Variants in ADAM22 observed in about 807,000 individuals in gnomAD.
The protein encoded by ADAM22 is disintegrin and metalloproteinase domain-containing protein 22.
Under a neutral mutation model 144.6 loss-of-function variants are expected in ADAM22, and 65 were observed. The observed-to-expected ratio is 0.45, with a 90% CI of 0.37 to 0.55. ADAM22 has a LOEUF of 0.55. ADAM22 is among the 20% of genes least tolerant of loss of function. The pLI is 0.00. For missense variants in ADAM22, 974 were observed against 1,184.9 expected (o/e 0.82, Z 2.61); for synonymous variants, 391 against 412.6 (o/e 0.95, Z 0.63).
At chr7:87,974,303 CAA>C (rs11351127) in intron 2 of ADAM22, among the ~76,000 whole-genome samples, 10,050 of 112,320 alleles carry the variant, frequency 0.089, 965 homozygotes, top group African/African-American at 0.25. Context: ...GACTCTGTCT[CAA>C]AAAAAAAAAA....
chr7:88,190,445 G>T (rs1849368988), intron 30 of ADAM22, among the ~76,000 whole-genome samples: 1 of 152,116 alleles, frequency 6.6e-6, no homozygotes, highest in Non-Finnish European at 1.5e-5. Context: ...TGAGGCAGGA[G>T]AATCGCTTGA....
chr7:88,182,407 G>A (rs1262665359), intron 29 of ADAM22, among the ~76,000 whole-genome samples: 1 of 152,042 alleles, frequency 6.6e-6, no homozygotes, highest in Non-Finnish European at 1.5e-5. Context: ...TAAGCATCGG[G>A]GAAAAATTCC....
At position 88,031,699 on chromosome 7, in the gene ADAM22, G is replaced by A. The variant is rs538086787; in HGVS notation, c.324-43927G>A. Among the ~76,000 whole-genome samples, 310 of 152,372 alleles carry A rather than the reference G, an allele frequency of 2.0e-3. 1 individual carries two copies. The highest frequency in any genetic ancestry group is 4.3e-3 in the Admixed American group (66 of 15,302). On this transcript the variant is annotated intron_variant, in intron 3 of 31. Transcript: ENST00000413139. ...AAAGGGAAGCAGAGCATGCCTGGAA[G>A]GTGTTTCAGAGACCTTCATGGCAGC...
intron 3 of ADAM22, among the ~76,000 whole-genome samples, chr7:88,060,453 C>T (rs138400297): frequency 1.9e-3 from 292 of 152,210 alleles, no homozygotes; most frequent in African/African-American, 6.8e-3. Flanking sequence ...ACATTTTCAC[C>T]AGGAGTAGAT....
chr7:88,124,994 G>GA (rs575277672), intron 7 of ADAM22, among the ~76,000 whole-genome samples: 104 of 152,028 alleles, frequency 6.8e-4, no homozygotes, highest in Middle Eastern at 3.4e-3. Context: ...TCACTTTGTA[G>GA]AAAAATCCTC....
chr7:87,980,415 G>A (rs944708375), intron 3 of ADAM22, among the ~76,000 whole-genome samples: 18 of 150,440 alleles, frequency 1.2e-4, no homozygotes, highest in African/African-American at 4.4e-4. Flanking sequence ...TGTTTTTCGT[G>A]GTTTCAGTTT....
chr7:88,053,602 A>AAG (rs1807222790), intron 3 of ADAM22, among the ~76,000 whole-genome samples: 1 of 82,862 alleles, frequency 1.2e-5, no homozygotes, highest in African/African-American at 4.7e-5. Flanking sequence ...GAAAGAAAGA[A>AAG]AGAAAGAAAG....
At chr7:88,008,914 A>T (rs570613553) in intron 3 of ADAM22, among the ~76,000 whole-genome samples, 9 of 109,174 alleles carry the variant, frequency 8.2e-5, no homozygotes, top group African/African-American at 3.2e-4. Context: ...ATAATAATAA[A>T]AAGAAAAAAA....
intron 2 of ADAM22, among the ~76,000 whole-genome samples, chr7:87,960,577 C>G (rs1847818626): frequency 6.6e-6 from 1 of 152,112 alleles, no homozygotes; most frequent in Non-Finnish European, 1.5e-5. Context: ...CTTTTTATAG[C>G]TCCTCTTCTC....
chr7:88,019,338 G>C (rs1314067066), intron 3 of ADAM22, among the ~76,000 whole-genome samples: 1 of 152,062 alleles, frequency 6.6e-6, no homozygotes, highest in East Asian at 1.9e-4. Context: ...AGTTGGTCAT[G>C]GTGGTGGGTG....
intron 2 of ADAM22, among the ~76,000 whole-genome samples, chr7:87,953,820 G>T (rs1342482841): frequency 6.6e-6 from 1 of 152,122 alleles, no homozygotes; most frequent in Non-Finnish European, 1.5e-5. Flanking sequence ...ATGAATCTGG[G>T]TGCTCCTGTT....
intron 3 of ADAM22, among the ~76,000 whole-genome samples, chr7:88,007,079 A>C (rs944394665): frequency 6.6e-6 from 1 of 152,236 alleles, no homozygotes; most frequent in African/African-American, 2.4e-5. Flanking sequence ...TCAATGTACA[A>C]AAATCACAAG....
At chr7:87,973,948 G>A (rs145770326) in intron 2 of ADAM22, among the ~76,000 whole-genome samples, 1 of 151,866 alleles carries the variant, frequency 6.6e-6, no homozygotes, top group African/African-American at 2.4e-5. Flanking sequence ...TGGGGTAGGG[G>A]TAGGGGGTGG....
intron 3 of ADAM22, among the ~76,000 whole-genome samples, chr7:87,988,672 G>A (rs1227282701): frequency 4.6e-5 from 7 of 152,276 alleles, no homozygotes; most frequent in Non-Finnish European, 8.8e-5. Context: ...AATTATTGGA[G>A]AGATGGGGCC....
intron 4 of ADAM22, among the ~76,000 whole-genome samples, chr7:88,081,175 G>C (rs953430271): frequency 2.0e-5 from 3 of 152,078 alleles, no homozygotes; most frequent in African/African-American, 4.8e-5. Flanking sequence ...GGGATGCAAG[G>C]CTGGTTCAAC....
chr7:88,059,918 A>T (rs573367276), intron 3 of ADAM22, among the ~76,000 whole-genome samples: 25 of 152,040 alleles, frequency 1.6e-4, no homozygotes, highest in Non-Finnish European at 3.7e-4. Context: ...TGGGTACTAT[A>T]TTTACTATTT....
At chr7:87,980,862 C>G (rs1376537982) in intron 3 of ADAM22, among the ~76,000 whole-genome samples, 2 of 152,166 alleles carry the variant, frequency 1.3e-5, no homozygotes, top group Middle Eastern at 3.4e-3. Context: ...AAATTTCACT[C>G]TTTAGGACAG....
chr7:88,186,572 T>C (rs781442402), intron 29 of ADAM22, 43 bp from the exon 30 acceptor site: 1 of 1,289,950 alleles, frequency 7.8e-7, no homozygotes, highest in Admixed American at 1.7e-5. Context: ...TCAGATTTTC[T>C]ATCTTGTTCT....
intron 7 of ADAM22, among the ~76,000 whole-genome samples, chr7:88,121,835 C>T (rs969672005): frequency 6.6e-6 from 1 of 152,162 alleles, no homozygotes; most frequent in African/African-American, 2.4e-5. Flanking sequence ...TCACAGAGTC[C>T]AGCCTTCTCT....
Sources: allele counts gnomAD v4.1 joint callset (sites outside exome capture counted in the v4.1 genomes callset), GRCh38; gene constraint gnomAD v4.1.1; transcripts MANE v1.5; gene names NCBI Gene and HGNC (gene_info 2026-07-23, HGNC 2026-07-21).